MAML3: variants seen among roughly 807,000 people sequenced by gnomAD.
MAML3 encodes mastermind-like protein 3.
MAML3 carries 27 observed loss-of-function variants against 101.9 expected under a neutral mutation model. That is an observed-to-expected ratio of 0.27 (90% CI 0.20 to 0.37). The LOEUF is 0.37. MAML3 is among the 10% of genes least tolerant of loss of function. The pLI, the probability that MAML3 is intolerant of heterozygous loss-of-function variation, is 1.00. For synonymous variants in MAML3, 501 were observed against 555.9 expected (o/e 0.90, Z 1.39); for missense variants, 1,316 against 1,444.9 (o/e 0.91, Z 1.45).
intron 2 of MAML3, among the ~76,000 whole-genome samples, chr4:139,883,537 A>G: frequency 6.6e-6 from 1 of 152,186 alleles, no homozygotes; most frequent in East Asian, 1.9e-4. Context: ...GATGGGGAAG[A>G]GAAAGAGAGA....
At chr4:139,801,692 GTGTC>G (rs879866667) in intron 2 of MAML3, among the ~76,000 whole-genome samples, 36 of 151,406 alleles carry the variant, frequency 2.4e-4, no homozygotes, top group African/African-American at 8.0e-4. Flanking sequence ...CTGTGTGTGT[GTGTC>G]TGTCTGTGTG....
intron 2 of MAML3, among the ~76,000 whole-genome samples, chr4:139,852,180 G>A (rs187250512): frequency 4.8e-4 from 73 of 152,164 alleles, no homozygotes; most frequent in African/African-American, 1.6e-3. Flanking sequence ...GCATATCCTC[G>A]CCAGGGTACT....
At chr4:139,979,882 A>T (rs1275563861) in intron 1 of MAML3, among the ~76,000 whole-genome samples, 1 of 152,216 alleles carries the variant, frequency 6.6e-6, no homozygotes, top group Non-Finnish European at 1.5e-5. Flanking sequence ...TTGTTACAGC[A>T]GCACAAAATG....
chr4:139,906,507 G>A (rs1043089857), intron 1 of MAML3, among the ~76,000 whole-genome samples: 1 of 152,096 alleles, frequency 6.6e-6, no homozygotes, highest in African/African-American at 2.4e-5. Context: ...TGGGAAAATC[G>A]AGGCATAGAG....
intron 1 of MAML3, among the ~76,000 whole-genome samples, chr4:139,911,427 A>C (rs1270463339): frequency 3.9e-5 from 6 of 152,336 alleles, no homozygotes; most frequent in Non-Finnish European, 1.5e-5. Flanking sequence ...TGTGTTGCCC[A>C]GGCTGGTTGT....
At chr4:139,896,245 C>G (rs565113254) in intron 1 of MAML3, among the ~76,000 whole-genome samples, 1 of 152,212 alleles carries the variant, frequency 6.6e-6, no homozygotes, top group South Asian at 2.1e-4. Context: ...TGACTTTCCT[C>G]TCCTCAAGAC....
At chr4:139,754,455 C>T (rs1426095904) in intron 2 of MAML3, among the ~76,000 whole-genome samples, 2 of 152,216 alleles carry the variant, frequency 1.3e-5, no homozygotes, top group African/African-American at 2.4e-5. Flanking sequence ...CTGCATGTTA[C>T]TCCATTGTAT....
chr4:139,832,399 A>G (rs1731184291), intron 2 of MAML3, among the ~76,000 whole-genome samples: 1 of 151,896 alleles, frequency 6.6e-6, no homozygotes, highest in South Asian at 2.1e-4. Context: ...AACGTGAGCC[A>G]CCGCACCTGG....
At chr4:140,000,308 A>G (rs975142783) in intron 1 of MAML3, among the ~76,000 whole-genome samples, 3 of 152,110 alleles carry the variant, frequency 2.0e-5, no homozygotes, top group Non-Finnish European at 4.4e-5. Context: ...TAGAAGATCC[A>G]TAACCTCTAT....
intron 2 of MAML3, among the ~76,000 whole-genome samples, chr4:139,803,776 G>A (rs1358995596): frequency 6.6e-6 from 1 of 152,124 alleles, no homozygotes. Flanking sequence ...CTCTTTTAAA[G>A]CCTGTAAGAT....
intron 2 of MAML3, among the ~76,000 whole-genome samples, chr4:139,739,397 T>C (rs1049091709): frequency 6.6e-6 from 1 of 152,216 alleles, no homozygotes; most frequent in Non-Finnish European, 1.5e-5. Flanking sequence ...CATAAGTCCC[T>C]CCAATGGAAA....
chr4:139,939,001 C>T (rs879787052), intron 1 of MAML3, among the ~76,000 whole-genome samples: 3 of 152,232 alleles, frequency 2.0e-5, no homozygotes, highest in Non-Finnish European at 4.4e-5. Context: ...CCCCGCTCTG[C>T]GCACTGTGAA....
chr4:139,741,542 A>C (rs1000657271), intron 2 of MAML3, among the ~76,000 whole-genome samples: 1 of 152,012 alleles, frequency 6.6e-6, no homozygotes, highest in Non-Finnish European at 1.5e-5. Context: ...GCTTGAGTTC[A>C]GTTCAGGACC....
chr4:139,819,050 GAAAC>G (rs1449510027), intron 2 of MAML3, among the ~76,000 whole-genome samples: 1 of 152,130 alleles, frequency 6.6e-6, no homozygotes, highest in Non-Finnish European at 1.5e-5. Flanking sequence ...ATAGGGGAGA[GAAAC>G]AAACAGCCAG....
At chr4:139,944,321 C>T (rs1348883799) in intron 1 of MAML3, among the ~76,000 whole-genome samples, 3 of 152,184 alleles carry the variant, frequency 2.0e-5, no homozygotes, top group South Asian at 2.1e-4. Flanking sequence ...CAATGCTATC[C>T]CTCCCCCTTC....
intron 1 of MAML3, among the ~76,000 whole-genome samples, chr4:140,040,050 G>C (rs540737115): frequency 6.6e-6 from 1 of 152,174 alleles, no homozygotes; most frequent in African/African-American, 2.4e-5. Context: ...GTCAACAAGA[G>C]AGGGGTTAGG....
At chr4:140,054,516 G>A (rs72714203) in intron 1 of MAML3, among the ~76,000 whole-genome samples, 29,633 of 152,034 alleles carry the variant, frequency 0.19, 3,234 homozygotes, top group Middle Eastern at 0.24. Flanking sequence ...TATGAGGATG[G>A]TGGTCTCTTC....
Position 140,153,482 on chromosome 4 carries a change from C to T in MAML3, c.-155G>A. On this transcript the variant is annotated 5_prime_UTR_variant, in exon 1 of 5. Coordinates refer to ENST00000509479, the MANE Select transcript of MAML3 (RefSeq NM_018717.5). ...GGCGATCCCGACGGGGCGAAAAAAA[C>T]GGGGGGGGAGATTTTGGGGTGGTTT... is the stretch of plus-strand genomic sequence containing the variant. 1 of 713,966 alleles carries T rather than the reference C, an allele frequency of 1.4e-6. No homozygotes were observed. Among genetic ancestry groups the T allele is most frequent in the Non-Finnish European group, 2.0e-6 (1 of 511,592 alleles). 44.2% of individuals were successfully genotyped at this position (713,966 alleles called of 1,614,324 possible).
chr4:140,015,899 G>T (rs28846979), intron 1 of MAML3, among the ~76,000 whole-genome samples: 4,655 of 152,292 alleles, frequency 0.031, 227 homozygotes, highest in African/African-American at 0.1. Context: ...GTTGTAGTCA[G>T]CCCAGATTGT....
Sources: gnomAD v4.1 joint callset for allele counts (sites outside exome capture counted in the v4.1 genomes callset) on GRCh38, gnomAD v4.1.1 for gene constraint, MANE v1.5 for transcripts, NCBI Gene and HGNC (gene_info 2026-07-23, HGNC 2026-07-21) for gene names.